DLG2: variants seen among roughly 807,000 people sequenced by gnomAD.
DLG2 encodes discs large MAGUK scaffold protein 2.
DLG2 carries 45 observed loss-of-function variants against 132.5 expected under a neutral mutation model. The observed-to-expected ratio is 0.34, with a 90% CI of 0.27 to 0.44. DLG2 has a LOEUF of 0.44. Ranked by LOEUF, DLG2 falls within the 20% of genes least tolerant of loss-of-function variation. The probability of loss-of-function intolerance (pLI) is 1.00; values close to 1 mark genes in which losing one functional copy is unlikely to be tolerated. For missense variants in DLG2, 1,045 were observed against 1,196.9 expected, an observed-to-expected ratio of 0.87 and a Z score of 1.87; for synonymous variants, 424 against 419.6, an observed-to-expected ratio of 1.01 and a Z score of -0.13.
At chr11:83,948,952 A>G (rs1446325716) in intron 14 of DLG2, among the ~76,000 whole-genome samples, 3 of 152,252 alleles carry the variant, frequency 2.0e-5, no homozygotes, top group African/African-American at 4.8e-5. Flanking sequence ...AGTGAAAATA[A>G]TAACACCAAT....
chr11:84,159,355 A>G (rs1380389898), intron 9 of DLG2, among the ~76,000 whole-genome samples: 3 of 152,226 alleles, frequency 2.0e-5, no homozygotes, highest in Admixed American at 6.5e-5. Context: ...AAATGCTACT[A>G]ATTTAATTAC....
At chr11:85,173,066 G>C (rs1033676474) in intron 4 of DLG2, among the ~76,000 whole-genome samples, 1 of 152,120 alleles carries the variant, frequency 6.6e-6, no homozygotes, top group African/African-American at 2.4e-5. Context: ...TCATCCAGGA[G>C]AACTTCCCTA....
At chr11:84,446,076 C>G (rs1306475550) in intron 7 of DLG2, among the ~76,000 whole-genome samples, 1 of 151,700 alleles carries the variant, frequency 6.6e-6, no homozygotes, top group Non-Finnish European at 1.5e-5. Flanking sequence ...TTTTCTCCTT[C>G]CTCCTCTGTG....
At chr11:83,799,766 T>C (rs1457630792) in intron 17 of DLG2, among the ~76,000 whole-genome samples, 1 of 152,182 alleles carries the variant, frequency 6.6e-6, no homozygotes, top group Non-Finnish European at 1.5e-5. Context: ...TTTAGACATG[T>C]TGACTTTGCT....
chr11:85,356,744 C>T (rs1278854943), intron 3 of DLG2, among the ~76,000 whole-genome samples: 1 of 151,870 alleles, frequency 6.6e-6, no homozygotes, highest in African/African-American at 2.4e-5. Flanking sequence ...ACTTTGTTTA[C>T]TACAGCATGC....
chr11:85,619,817 G>A (rs1421244205), intron 2 of DLG2, among the ~76,000 whole-genome samples: 1 of 151,528 alleles, frequency 6.6e-6, no homozygotes, highest in Non-Finnish European at 1.5e-5. Flanking sequence ...CTGGGCAACA[G>A]AGCAAAACTC....
chr11:84,283,021 C>T (rs2097868134), intron 7 of DLG2, among the ~76,000 whole-genome samples: 1 of 152,134 alleles, frequency 6.6e-6, no homozygotes, highest in African/African-American at 2.4e-5. Flanking sequence ...TGTACTATGT[C>T]ATATATGCTG....
chr11:83,581,080 C>G (rs2144835730), intron 19 of DLG2, among the ~76,000 whole-genome samples: 1 of 151,912 alleles, frequency 6.6e-6, no homozygotes, highest in East Asian at 1.9e-4. Flanking sequence ...AACTTGTCCA[C>G]AGTTACAGAT....
chr11:84,522,709 C>T (rs2099308013), intron 7 of DLG2, among the ~76,000 whole-genome samples: 1 of 152,208 alleles, frequency 6.6e-6, no homozygotes, highest in African/African-American at 2.4e-5. Flanking sequence ...TATAAGATTA[C>T]ATAAGTTTCC....
At position 85,132,387 on chromosome 11, in the gene DLG2, G is replaced by A. The variant is rs543034376; in HGVS notation, c.283-20652C>T. Among the ~76,000 whole-genome samples, 24 of 152,114 alleles carry A rather than the reference G, an allele frequency of 1.6e-4. 2 individuals carry two copies. Among genetic ancestry groups the A allele is most frequent in the African/African-American group, 5.1e-4 (21 of 41,488 alleles). Reference sequence around the variant, plus strand: ...AGAAGACATGGTTTTTAAATGAAAAGCTAATTATCACACTCAGAAAGACTG... The same window carrying A: ...AGAAGACATGGTTTTTAAATGAAAAACTAATTATCACACTCAGAAAGACTG... On this transcript the variant is annotated intron_variant, in intron 5 of 27. Transcript: ENST00000376104.
chr11:84,181,837 C>T (rs2096137773), intron 8 of DLG2, among the ~76,000 whole-genome samples: 1 of 152,054 alleles, frequency 6.6e-6, no homozygotes, highest in Non-Finnish European at 1.5e-5. Context: ...TGTAACAACC[C>T]TTAATATGTA....
chr11:85,466,254 G>T (rs919171289), intron 3 of DLG2, among the ~76,000 whole-genome samples: 5 of 152,162 alleles, frequency 3.3e-5, no homozygotes, highest in Admixed American at 1.3e-4. Context: ...CTCCCATTCT[G>T]TAGGTTGCCT....
chr11:85,521,551 C>A (rs2074312522), intron 3 of DLG2, among the ~76,000 whole-genome samples: 1 of 152,064 alleles, frequency 6.6e-6, no homozygotes, highest in Admixed American at 6.6e-5. Context: ...GTGGAAGCAA[C>A]TTTGAAACTG....
At chr11:84,200,487 T>C (rs2096577851) in intron 8 of DLG2, among the ~76,000 whole-genome samples, 1 of 152,200 alleles carries the variant, frequency 6.6e-6, no homozygotes, top group South Asian at 2.1e-4. Context: ...CTTTTGATAA[T>C]GCTTCCCAAT....
intron 18 of DLG2, among the ~76,000 whole-genome samples, chr11:83,732,967 C>T (rs11608019): frequency 0.035 from 5,328 of 152,160 alleles, 121 homozygotes; most frequent in East Asian, 0.11. Context: ...AATGGCTGGG[C>T]GCGACGGCTC....
chr11:83,572,610 G>C (rs11233681), intron 19 of DLG2, among the ~76,000 whole-genome samples: 7,194 of 152,146 alleles, frequency 0.047, 211 homozygotes, highest in South Asian at 0.12. Flanking sequence ...AGGATTTAAG[G>C]CCATCCAAAA....
chr11:83,766,864 T>G (rs970700420), intron 18 of DLG2, among the ~76,000 whole-genome samples: 1 of 152,210 alleles, frequency 6.6e-6, no homozygotes, highest in Admixed American at 6.5e-5. Context: ...AAAAATAGGT[T>G]TCACTGGAAT....
At chr11:85,015,695 C>T (rs2059515894) in intron 6 of DLG2, among the ~76,000 whole-genome samples, 1 of 152,074 alleles carries the variant, frequency 6.6e-6, no homozygotes, top group Non-Finnish European at 1.5e-5. Flanking sequence ...ATCTATAAAG[C>T]TCATCATACC....
At chr11:83,572,186 A>G (rs2096807613) in intron 19 of DLG2, among the ~76,000 whole-genome samples, 1 of 152,126 alleles carries the variant, frequency 6.6e-6, no homozygotes, top group Non-Finnish European at 1.5e-5. Flanking sequence ...CCTTCACTCC[A>G]ACTTACTATA....
Sources: gnomAD v4.1 joint callset for allele counts (sites outside exome capture counted in the v4.1 genomes callset) on GRCh38, gnomAD v4.1.1 for gene constraint, MANE v1.5 for transcripts, NCBI Gene and HGNC (gene_info 2026-07-23, HGNC 2026-07-21) for gene names.